Variants in PAG1 observed in about 807,000 individuals in gnomAD.
PAG1 encodes phosphoprotein associated with glycosphingolipid-enriched microdomains 1.
Under a neutral mutation model 31.7 loss-of-function variants are expected in PAG1, and 23 were observed. The observed-to-expected ratio is 0.73, with a 90% CI of 0.52 to 1.03. The LOEUF (loss-of-function observed/expected upper bound fraction) is 1.03, where lower values mean the gene tolerates loss of function less well. Among genes scored for constraint, PAG1 ranks in the 50% least tolerant of loss-of-function variants. The probability of loss-of-function intolerance (pLI) is 0.00; values close to 1 mark genes in which losing one functional copy is unlikely to be tolerated. For missense variants in PAG1, 473 were observed against 540.7 expected, an observed-to-expected ratio of 0.87 and a Z score of 1.24; for synonymous variants, 214 against 210.3, an observed-to-expected ratio of 1.02 and a Z score of -0.15.
At chr8:81,098,428 G>C (rs915979323) in intron 1 of PAG1, among the ~76,000 whole-genome samples, 1 of 152,050 alleles carries the variant, frequency 6.6e-6, no homozygotes, top group Non-Finnish European at 1.5e-5. Context: ...TTTCCTTAAA[G>C]AAAATTTACT....
At chr8:81,054,335 G>A (rs1001484112) in intron 2 of PAG1, among the ~76,000 whole-genome samples, 1 of 152,180 alleles carries the variant, frequency 6.6e-6, no homozygotes, top group Non-Finnish European at 1.5e-5. Flanking sequence ...CTGAGGCTCA[G>A]ATGCCTTGAC....
At chr8:81,007,847 C>G (rs1320751164) in intron 3 of PAG1, among the ~76,000 whole-genome samples, 1 of 152,000 alleles carries the variant, frequency 6.6e-6, no homozygotes, top group Non-Finnish European at 1.5e-5. Flanking sequence ...GTGGCCCTGC[C>G]AATGCTTACT....
Position 81,066,142 on chromosome 8 carries a change from T to C in PAG1, c.-175+3970A>G, listed in dbSNP as rs190554278. 1.6e-3 allele frequency among the ~76,000 whole-genome samples: 250 copies of C among 152,292 alleles called. 1 individual carries two copies. Among genetic ancestry groups the C allele is most frequent in the African/African-American group, 5.8e-3 (240 of 41,556 alleles). The stretch of plus-strand genomic sequence containing the variant: ...GCTGACATTTGGTGTCAACAAGAGA[T>C]TGTGGCTGAAGCTTTGATTCTATCC... On this transcript the variant is annotated intron_variant, in intron 2 of 8. Coordinates refer to ENST00000220597, the MANE Select transcript of PAG1 (RefSeq NM_018440.4).
At chr8:81,016,192 A>G (rs1037649470) in intron 3 of PAG1, among the ~76,000 whole-genome samples, 1 of 152,212 alleles carries the variant, frequency 6.6e-6, no homozygotes, top group African/African-American at 2.4e-5. Flanking sequence ...AAACTGTAGA[A>G]TGAGCTGCTG....
At position 80,967,841 on chromosome 8, in the gene PAG1, A is replaced by G. The variant is rs1410745642; in HGVS notation, c.*8703T>C. On this transcript the variant is annotated 3_prime_UTR_variant, in exon 9 of 9. Transcript: ENST00000220597. ...TAAAACTGACTTTTATTACAATTAA[A>G]AAAGAACAAAGACAATTTGATAAGT... 1 of 151,904 alleles carries G rather than the reference A, an allele frequency of 6.6e-6. No homozygotes were observed. The highest frequency in any genetic ancestry group is 2.4e-5 in the African/African-American group (1 of 41,114). 9.4% of individuals were successfully genotyped at this position (151,904 alleles called of 1,614,324 possible).
In PAG1 at chr8:80,968,321, A is replaced by G. The variant is rs550542208; in HGVS notation, c.*8223T>C. ...TAGTATCATTATCCCCATTTTGTAT[A>G]TGGAGAAACTGAGGCACAGAGAAGT... On this transcript the variant is annotated 3_prime_UTR_variant, in exon 9 of 9. Transcript: ENST00000220597. 2.0e-5 allele frequency: 3 copies of G among 152,358 alleles called. No homozygotes were observed. The highest frequency in any genetic ancestry group is 2.1e-4 in the South Asian group (1 of 4,826). The allele number at this position is 152,358 out of a possible 1,614,324, so 9.4% of individuals were successfully genotyped here. A position where few individuals can be genotyped will look rare whatever the true frequency, so the allele number is the denominator to read the frequency against.
At chr8:80,984,681 T>C in intron 7 of PAG1, 95 bp downstream of exon 7, 2 of 1,165,960 alleles carry the variant, frequency 1.7e-6, no homozygotes, top group Non-Finnish European at 2.5e-6. Flanking sequence ...AACTGGAAAG[T>C]GTTTGCAGAT....
rs554932519 is a variant in PAG1 at position 80,974,152 on chromosome 8, G to GTTTTTTTT, written c.*2384_*2391dup. On this transcript the variant is annotated 3_prime_UTR_variant, in exon 9 of 9. Transcript: ENST00000220597. ...ATTATTTATGAGCTTTCTATAAAAA[G>GTTTTTTTT]TTTTTTTTTTTTTTTTTTTTTTACT... 5.5e-4 allele frequency: 63 copies of GTTTTTTTT among 115,338 alleles called. No individual in the cohort carries two copies. Among genetic ancestry groups the GTTTTTTTT allele is most frequent in the Middle Eastern group, 4.8e-3 (1 of 210 alleles). 7.1% of individuals were successfully genotyped at this position (115,338 alleles called of 1,614,324 possible). A position where few individuals can be genotyped will look rare whatever the true frequency, so the allele number is the denominator to read the frequency against.
At chr8:81,046,780 T>C (rs1420447604) in intron 2 of PAG1, among the ~76,000 whole-genome samples, 2 of 152,164 alleles carry the variant, frequency 1.3e-5, no homozygotes, top group Non-Finnish European at 2.9e-5. Flanking sequence ...GCACAGATCA[T>C]ACCATCACCT....
At chr8:81,047,933 A>G (rs1808669018) in intron 2 of PAG1, among the ~76,000 whole-genome samples, 1 of 152,214 alleles carries the variant, frequency 6.6e-6, no homozygotes, top group African/African-American at 2.4e-5. Flanking sequence ...TCAGTGTTCT[A>G]GGATAAAGAA....
intron 1 of PAG1, among the ~76,000 whole-genome samples, chr8:81,073,192 T>A (rs1809121878): frequency 6.6e-6 from 1 of 152,184 alleles, no homozygotes; most frequent in Admixed American, 6.5e-5. Context: ...CCATGATATA[T>A]CTCTTTTCCT....
intron 3 of PAG1, among the ~76,000 whole-genome samples, chr8:81,001,832 C>A (rs1257797781): frequency 6.6e-6 from 1 of 152,186 alleles, no homozygotes; most frequent in African/African-American, 2.4e-5. Flanking sequence ...CACTGCCCAG[C>A]ATGCTCTCAG....
chr8:80,989,492 C>T (rs567777302), intron 5 of PAG1, among the ~76,000 whole-genome samples: 1 of 152,298 alleles, frequency 6.6e-6, no homozygotes, highest in South Asian at 2.1e-4. Context: ...AGCGTGTGTA[C>T]ATGGGTGCCA....
chr8:80,971,421 C>T lies in PAG1; in HGVS notation c.*5123G>A, dbSNP rs893868977. 2 of 151,974 alleles carry T rather than the reference C, an allele frequency of 1.3e-5. No individual in the cohort carries two copies. Among genetic ancestry groups the T allele is most frequent in the African/African-American group, 4.8e-5 (2 of 41,360 alleles). The allele number at this position is 151,974 out of a possible 1,614,324, so 9.4% of individuals were successfully genotyped here. On this transcript the variant is annotated 3_prime_UTR_variant, in exon 9 of 9. Transcript: ENST00000220597. ...TTGTTTAGATATATTTCAAGTTTCCCCAGAAAATATGAGGCATGTTAATAC... is the reference window on the plus strand; with the variant it reads ...TTGTTTAGATATATTTCAAGTTTCCTCAGAAAATATGAGGCATGTTAATAC...
At chr8:81,020,416 G>A (rs1473741753) in intron 3 of PAG1, among the ~76,000 whole-genome samples, 1 of 152,186 alleles carries the variant, frequency 6.6e-6, no homozygotes, top group Non-Finnish European at 1.5e-5. Context: ...GACCTGGTGG[G>A]AAGAGATTGA....
In PAG1 at chr8:80,971,603, A is replaced by G. The variant is rs1807078507; in HGVS notation, c.*4941T>C. On this transcript the variant is annotated 3_prime_UTR_variant, in exon 9 of 9. Transcript: ENST00000220597. ...GGGTAGCACATTTTAAAAAATACCC[A>G]CAGTATATAACTGGCAAGCCAAAAA... is the stretch of plus-strand genomic sequence containing the variant. The G allele has an allele frequency of 6.6e-6, 1 of 152,226 alleles. No individual in the cohort carries two copies. The highest frequency in any genetic ancestry group is 1.5e-5 in the Non-Finnish European group (1 of 68,026). The allele number at this position is 152,226 out of a possible 1,614,324, so 9.4% of individuals were successfully genotyped here.
chr8:81,099,284 A>G (rs1004065056), intron 1 of PAG1, among the ~76,000 whole-genome samples: 3 of 152,180 alleles, frequency 2.0e-5, no homozygotes, highest in African/African-American at 7.2e-5. Context: ...TAGTTTCCCC[A>G]CATCTTGAGA....
At chr8:81,023,763 T>G (rs1238918918) in intron 3 of PAG1, among the ~76,000 whole-genome samples, 3 of 152,192 alleles carry the variant, frequency 2.0e-5, no homozygotes, top group Non-Finnish European at 4.4e-5. Flanking sequence ...AATAGACTAA[T>G]ATAAAACTCC....
intron 3 of PAG1, among the ~76,000 whole-genome samples, chr8:80,994,291 C>T (rs1415161452): frequency 1.3e-5 from 2 of 152,108 alleles, no homozygotes; most frequent in African/African-American, 2.4e-5. Context: ...TGTGAGTACC[C>T]AATAAATGCA....
Sources: allele counts gnomAD v4.1 joint callset (sites outside exome capture counted in the v4.1 genomes callset), GRCh38; gene constraint gnomAD v4.1.1; transcripts MANE v1.5; gene names NCBI Gene and HGNC (gene_info 2026-07-23, HGNC 2026-07-21).